Variants in CSMD1 observed in about 807,000 individuals in gnomAD.
CSMD1 encodes CUB and Sushi multiple domains 1.
CSMD1 carries 213 observed loss-of-function variants against 417.5 expected under a neutral mutation model. The ratio of observed to expected loss-of-function variants is 0.51; its 90% CI spans 0.46 to 0.57. The LOEUF is 0.57. Among genes scored for constraint, CSMD1 ranks in the 20% least tolerant of loss-of-function variants. The pLI, the probability that CSMD1 is intolerant of heterozygous loss-of-function variation, is 0.00. For synonymous variants in CSMD1, 2,862 were observed against 1,736.8 expected (o/e 1.65, Z -16.11); for missense variants, 6,923 against 4,529.7 (o/e 1.53, Z -15.17).
chr8:3,116,754 T>C (rs1816896005), intron 42 of CSMD1, among the ~76,000 whole-genome samples: 1 of 152,008 alleles, frequency 6.6e-6, no homozygotes, highest in African/African-American at 2.4e-5. Context: ...TTAATTGTAG[T>C]TTTTTTTAAA....
chr8:3,780,325 C>G lies in CSMD1; in HGVS notation c.819-26283G>C, dbSNP rs145633176. 1.3e-4 allele frequency among the ~76,000 whole-genome samples: 20 copies of G among 152,292 alleles called. 1 individual carries two copies. The highest frequency in any genetic ancestry group is 4.8e-4 in the African/African-American group (20 of 41,572). On this transcript the variant is annotated intron_variant, in intron 5 of 69. Coordinates refer to ENST00000635120, the MANE Select transcript of CSMD1 (RefSeq NM_033225.6). The stretch of plus-strand genomic sequence containing the variant: ...TCCGCAAATGAGTCAACTGAAATAA[C>G]AGTTGTTCGTTAGAATAGAATTTGG...
At chr8:3,926,943 T>C (rs1161775891) in intron 5 of CSMD1, among the ~76,000 whole-genome samples, 1 of 151,832 alleles carries the variant, frequency 6.6e-6, no homozygotes, top group Non-Finnish European at 1.5e-5. Flanking sequence ...CTCAAACTCC[T>C]GACATCGTGA....
At chr8:4,758,811 T>C (rs533943383) in intron 1 of CSMD1, among the ~76,000 whole-genome samples, 1 of 152,242 alleles carries the variant, frequency 6.6e-6, no homozygotes, top group Admixed American at 6.5e-5. Context: ...CCTTCCCCCA[T>C]AATCCAACCA....
intron 3 of CSMD1, among the ~76,000 whole-genome samples, chr8:4,250,747 A>C (rs1283372881): frequency 6.6e-6 from 1 of 152,160 alleles, no homozygotes; most frequent in Non-Finnish European, 1.5e-5. Context: ...GCAAAGAAAA[A>C]CTGTAAATAT....
intron 1 of CSMD1, among the ~76,000 whole-genome samples, chr8:4,651,680 G>A (rs911261059): frequency 3.3e-5 from 5 of 152,094 alleles, no homozygotes; most frequent in Admixed American, 6.5e-5. Flanking sequence ...CCAGGTATAT[G>A]ATGATATTCT....
At chr8:4,273,003 G>A (rs137943978) in intron 3 of CSMD1, among the ~76,000 whole-genome samples, 21 of 152,200 alleles carry the variant, frequency 1.4e-4, no homozygotes, top group South Asian at 4.1e-4. Flanking sequence ...CAGCTATTGC[G>A]TCATGTACCT....
intron 3 of CSMD1, among the ~76,000 whole-genome samples, chr8:4,264,793 C>A (rs181301805): frequency 6.6e-6 from 1 of 152,124 alleles, no homozygotes; most frequent in African/African-American, 2.4e-5. Context: ...TAAACTTGGA[C>A]AAGTTAATTC....
chr8:4,022,899 T>TGCTTTGGC (rs1796861163), intron 4 of CSMD1, among the ~76,000 whole-genome samples: 1 of 152,186 alleles, frequency 6.6e-6, no homozygotes, highest in East Asian at 1.9e-4. Flanking sequence ...ACATGGATTA[T>TGCTTTGGC]TGTGATGAAA....
chr8:4,372,345 A>G (rs1419597965), intron 3 of CSMD1, among the ~76,000 whole-genome samples: 1 of 152,124 alleles, frequency 6.6e-6, no homozygotes, highest in Non-Finnish European at 1.5e-5. Context: ...TGAAGGAGGA[A>G]CGCTTAGTGT....
intron 4 of CSMD1, among the ~76,000 whole-genome samples, chr8:4,019,595 GC>G (rs1007166500): frequency 6.6e-6 from 1 of 152,144 alleles, no homozygotes; most frequent in African/African-American, 2.4e-5. Context: ...CTTGCTGGCT[GC>G]TTGTTGTCAG....
rs187530965 is a variant in CSMD1 at position 3,998,204 on chromosome 8, A to C, written c.611-94T>G. ...AAGTGTCACTCTTGATCAGCGACAA[A>C]TATTTTCTGAACCCAAAATTGAGAC... On this transcript the variant is annotated intron_variant, in intron 4 of 69. Transcript: ENST00000635120. 3.5e-6 allele frequency: 4 copies of C among 1,148,350 alleles called. No individual in the cohort carries two copies. The East Asian group carries it at 1.0e-4, about 30-fold the overall frequency. 71.1% of individuals were successfully genotyped at this position (1,148,350 alleles called of 1,614,324 possible).
chr8:3,091,377 T>C (rs1814931827), intron 48 of CSMD1, 139 bp downstream of exon 48: 4 of 548,100 alleles, frequency 7.3e-6, no homozygotes, highest in Non-Finnish European at 1.2e-5. Context: ...TAATTACCCA[T>C]CATATATTTC....
At chr8:4,506,721 G>C (rs1376494850) in intron 2 of CSMD1, among the ~76,000 whole-genome samples, 3 of 152,138 alleles carry the variant, frequency 2.0e-5, no homozygotes, top group African/African-American at 7.2e-5. Context: ...CTTTCCTTCA[G>C]AGTGTATTGT....
intron 1 of CSMD1, among the ~76,000 whole-genome samples, chr8:4,779,851 A>G (rs1797062660): frequency 6.6e-6 from 1 of 151,992 alleles, no homozygotes; most frequent in African/African-American, 2.4e-5. Flanking sequence ...ACTTCCAAAC[A>G]GCAGCAGCAA....
intron 3 of CSMD1, among the ~76,000 whole-genome samples, chr8:4,144,717 C>T (rs1182489447): frequency 1.1e-4 from 16 of 151,058 alleles, no homozygotes; most frequent in Admixed American, 9.2e-4. Flanking sequence ...TGGAGATTTC[C>T]TCATTGACCT....
intron 29 of CSMD1, 68 bp downstream of exon 29, chr8:3,219,187 G>C: frequency 3.1e-6 from 4 of 1,285,270 alleles, no homozygotes; most frequent in East Asian, 2.5e-5. Flanking sequence ...ATGTTACAAA[G>C]CAATGCCTAC....
intron 5 of CSMD1, among the ~76,000 whole-genome samples, chr8:3,924,398 G>A (rs1046306986): frequency 6.6e-6 from 1 of 152,062 alleles, no homozygotes; most frequent in Non-Finnish European, 1.5e-5. Context: ...CATATACCTA[G>A]ACATTCATTT....
intron 3 of CSMD1, among the ~76,000 whole-genome samples, chr8:4,100,644 C>T (rs980355333): frequency 6.6e-6 from 1 of 152,062 alleles, no homozygotes; most frequent in Non-Finnish European, 1.5e-5. Context: ...GTATGTCCAT[C>T]ATTTCGATGA....
chr8:4,343,926 G>A (rs765101938), intron 3 of CSMD1, among the ~76,000 whole-genome samples: 1 of 152,220 alleles, frequency 6.6e-6, no homozygotes, highest in Non-Finnish European at 1.5e-5. Flanking sequence ...ACTGCCAAGA[G>A]AAGTGTTTTA....
Sources: allele counts gnomAD v4.1 joint callset (sites outside exome capture counted in the v4.1 genomes callset), GRCh38; gene constraint gnomAD v4.1.1; transcripts MANE v1.5; gene names NCBI Gene and HGNC (gene_info 2026-07-23, HGNC 2026-07-21).